GRM7: variants seen among roughly 807,000 people sequenced by gnomAD.
GRM7 encodes the protein glutamate metabotropic receptor 7, also known as metabotropic glutamate receptor 7.
GRM7 carries 35 observed loss-of-function variants against 84.5 expected under a neutral mutation model. That is an observed-to-expected ratio of 0.41 (90% CI 0.32 to 0.55). The LOEUF (loss-of-function observed/expected upper bound fraction) is 0.55, where lower values mean the gene tolerates loss of function less well. Ranked by LOEUF, GRM7 falls within the 20% of genes least tolerant of loss-of-function variation. The probability of loss-of-function intolerance (pLI) is 0.19; values close to 1 mark genes in which losing one functional copy is unlikely to be tolerated. For synonymous variants in GRM7, 487 were observed against 455.1 expected, an observed-to-expected ratio of 1.07 and a Z score of -0.89; for missense variants, 1,003 against 1,194.6, an observed-to-expected ratio of 0.84 and a Z score of 2.36.
chr3:7,653,567 A>G (rs576671998), intron 8 of GRM7, among the ~76,000 whole-genome samples: 7 of 152,216 alleles, frequency 4.6e-5, no homozygotes, highest in Middle Eastern at 3.4e-3. Flanking sequence ...CTCCATGGCC[A>G]CCAGATGTAA....
Position 6,881,822 on chromosome 3 carries a change from G to A in GRM7, c.519+19915G>A, listed in dbSNP as rs558458369. ...ATAGACATGGGGAATACTATCCTAAGCCTTATCTCAACACTGCTACAATCT... is the reference window on the plus strand; with the variant it reads ...ATAGACATGGGGAATACTATCCTAAACCTTATCTCAACACTGCTACAATCT... On this transcript the variant is annotated intron_variant, in intron 1 of 9. Transcript: ENST00000357716. Among the ~76,000 whole-genome samples the A allele has an allele frequency of 9.5e-4, 145 of 152,166 alleles. 1 individual carries two copies. In the South Asian group the frequency reaches 0.021, roughly 22 times the overall value.
At chr3:7,317,434 T>C (rs1700623830) in intron 4 of GRM7, among the ~76,000 whole-genome samples, 1 of 152,200 alleles carries the variant, frequency 6.6e-6, no homozygotes, top group East Asian at 1.9e-4. Context: ...GCATATGAGG[T>C]CATGTTGAGA....
At chr3:7,582,159 G>A (rs942137974) in intron 8 of GRM7, among the ~76,000 whole-genome samples, 3 of 152,146 alleles carry the variant, frequency 2.0e-5, no homozygotes, top group African/African-American at 7.2e-5. Flanking sequence ...ATTTTGTTCT[G>A]GCACTATCTG....
chr3:7,393,232 C>T lies in GRM7; in HGVS notation c.1034-21791C>T, dbSNP rs557416784. On this transcript the variant is annotated intron_variant, in intron 4 of 9. Transcript: ENST00000357716. Reference sequence around the variant, plus strand: ...AACTGCAGCTGTGTCTATAGGTTCCCAGTGTCTCAGCTCTCAAAATGGCTC... The same window carrying T: ...AACTGCAGCTGTGTCTATAGGTTCCTAGTGTCTCAGCTCTCAAAATGGCTC... Among the ~76,000 whole-genome samples, 39 of 152,282 alleles carry T rather than the reference C, an allele frequency of 2.6e-4. 1 individual carries two copies. Among genetic ancestry groups the T allele is most frequent in the African/African-American group, 8.4e-4 (35 of 41,570 alleles).
At chr3:7,406,684 A>G (rs912771237) in intron 4 of GRM7, among the ~76,000 whole-genome samples, 1 of 152,218 alleles carries the variant, frequency 6.6e-6, no homozygotes, top group Non-Finnish European at 1.5e-5. Context: ...CTTCTTAACT[A>G]AAATATTTTA....
intron 7 of GRM7, among the ~76,000 whole-genome samples, chr3:7,504,232 G>C (rs1221746711): frequency 6.6e-6 from 1 of 152,146 alleles, no homozygotes; most frequent in Non-Finnish European, 1.5e-5. Flanking sequence ...GGAGAGACCA[G>C]GGCACATTAA....
At chr3:7,564,931 T>A (rs922994736) in intron 7 of GRM7, among the ~76,000 whole-genome samples, 1 of 152,178 alleles carries the variant, frequency 6.6e-6, no homozygotes, top group Non-Finnish European at 1.5e-5. Context: ...ACTGAAATCA[T>A]GTTCTGTCCT....
At chr3:7,491,413 T>C (rs57530639) in intron 7 of GRM7, among the ~76,000 whole-genome samples, 1 of 23,910 alleles carries the variant, frequency 4.2e-5, no homozygotes, top group South Asian at 9.4e-4. Context: ...ATTTAGATGG[T>C]ATATATATAT....
At chr3:7,546,940 C>T (rs112047807) in intron 7 of GRM7, among the ~76,000 whole-genome samples, 40 of 152,264 alleles carry the variant, frequency 2.6e-4, no homozygotes, top group Non-Finnish European at 5.0e-4. Flanking sequence ...TTGAGTTATA[C>T]TCTATTTAGT....
rs76941814 is a variant in GRM7 at position 6,984,891 on chromosome 3, C to T, written c.519+122984C>T. Among the ~76,000 whole-genome samples, 75 of 152,236 alleles carry T rather than the reference C, an allele frequency of 4.9e-4. No homozygotes were observed. In the East Asian group the frequency reaches 0.014, roughly 29 times the overall value. ...GAGGCTGCTGACTTAATGTATTATTCCAGTGGGATATGCGTGTGCCAAAAC... is the reference window on the plus strand; with the variant it reads ...GAGGCTGCTGACTTAATGTATTATTTCAGTGGGATATGCGTGTGCCAAAAC... On this transcript the variant is annotated intron_variant, in intron 1 of 9. Coordinates refer to ENST00000357716, the MANE Select transcript of GRM7 (RefSeq NM_000844.4).
intron 7 of GRM7, among the ~76,000 whole-genome samples, chr3:7,574,715 C>G (rs192564926): frequency 1.3e-5 from 2 of 152,344 alleles, no homozygotes; most frequent in East Asian, 3.9e-4. Flanking sequence ...TGCAGTATTT[C>G]AGATAAGAAC....
Position 7,189,941 on chromosome 3 carries a change from A to G in GRM7, c.736+43273A>G, listed in dbSNP as rs1276234069. Among the ~76,000 whole-genome samples, 3 of 152,162 alleles carry G rather than the reference A, an allele frequency of 2.0e-5. No individual in the cohort carries two copies. The East Asian group carries it at 5.8e-4, about 29-fold the overall frequency. ...TTTACACACACAGACCTACACACAT[A>G]TATATAAAAGCAATGTAGACACACA... On this transcript the variant is annotated intron_variant, in intron 2 of 9. Transcript: ENST00000357716.
chr3:7,047,147 A>G (rs971755329), intron 1 of GRM7, among the ~76,000 whole-genome samples: 3 of 151,812 alleles, frequency 2.0e-5, no homozygotes, highest in Non-Finnish European at 4.4e-5. Flanking sequence ...TTTTTTTAAT[A>G]AAGTTTGTTG....
chr3:7,270,103 G>C (rs1305284060), intron 2 of GRM7, among the ~76,000 whole-genome samples: 2 of 152,204 alleles, frequency 1.3e-5, no homozygotes, highest in African/African-American at 4.8e-5. Flanking sequence ...ACATTTCTAA[G>C]ATGTTCTCTT....
At position 7,735,314 on chromosome 3, in the gene GRM7, A is replaced by C. The variant is rs183603236; in HGVS notation, c.2699-5043A>C. Among the ~76,000 whole-genome samples the C allele has an allele frequency of 2.9e-3, 435 of 152,296 alleles. 7 individuals carry two copies. Among genetic ancestry groups the C allele is most frequent in the Middle Eastern group, 0.02 (6 of 294 alleles). ...AATGACTAAAGTGATAGGCAGGGTT[A>C]AGGTTTAAGAAATATCCCCATGTAC... On this transcript the variant is annotated intron_variant, in intron 9 of 9. Coordinates refer to ENST00000357716, the MANE Select transcript of GRM7 (RefSeq NM_000844.4).
intron 1 of GRM7, among the ~76,000 whole-genome samples, chr3:6,967,465 G>T (rs1462494254): frequency 6.6e-6 from 1 of 152,184 alleles, no homozygotes; most frequent in Admixed American, 6.5e-5. Flanking sequence ...AAAGTGTTGG[G>T]ATTACAGGCG....
rs1303023821 is a variant in GRM7 at position 7,151,026 on chromosome 3, T to C, written c.736+4358T>C. Among the ~76,000 whole-genome samples the C allele has an allele frequency of 1.3e-5, 2 of 152,184 alleles. No individual in the cohort carries two copies. Among genetic ancestry groups the C allele is most frequent in the African/African-American group, 4.8e-5 (2 of 41,458 alleles). On this transcript the variant is annotated intron_variant, in intron 2 of 9. Coordinates refer to ENST00000357716, the MANE Select transcript of GRM7 (RefSeq NM_000844.4). The surrounding 1 kb of genome is among the most constrained non-coding windows in gnomAD (Gnocchi z 4.5). ...TGTCGACTTCTCAAAACCTAAAAGA[T>C]CTATCCATTTGATATTTTACAGTGA... is the stretch of plus-strand genomic sequence containing the variant.
intron 1 of GRM7, among the ~76,000 whole-genome samples, chr3:7,000,782 A>C (rs1694987209): frequency 6.6e-6 from 1 of 152,190 alleles, no homozygotes; most frequent in South Asian, 2.1e-4. Flanking sequence ...GAATGGGGAA[A>C]AGCAAGAGAC....
intron 4 of GRM7, among the ~76,000 whole-genome samples, chr3:7,310,384 A>C (rs1236216786): frequency 1.3e-5 from 2 of 152,188 alleles, no homozygotes; most frequent in African/African-American, 4.8e-5. Flanking sequence ...AGTAATTTTT[A>C]CTTATGATTT....
Sources: gnomAD v4.1 joint callset for allele counts (sites outside exome capture counted in the v4.1 genomes callset) on GRCh38, gnomAD v4.1.1 for gene constraint, Gnocchi (gnomAD v3.1) non-coding constraint, MANE v1.5 for transcripts, NCBI Gene and HGNC (gene_info 2026-07-23, HGNC 2026-07-21) for gene names.